WWOX: variants seen among roughly 807,000 people sequenced by gnomAD.
The protein encoded by WWOX is WW domain containing oxidoreductase, also known as WW domain-containing oxidoreductase.
A neutral mutation model predicts 46.2 loss-of-function variants in WWOX; 69 were observed. That is an observed-to-expected ratio of 1.49 (90% confidence interval 1.23 to 1.82). The LOEUF (loss-of-function observed/expected upper bound fraction) is 1.82, where lower values mean the gene tolerates loss of function less well. Ranked by LOEUF, WWOX falls within the 40% of genes most tolerant of loss-of-function variation. The probability of loss-of-function intolerance (pLI) is 0.00; values close to 1 mark genes in which losing one functional copy is unlikely to be tolerated. For synonymous variants in WWOX, 359 were observed against 202.6 expected (o/e 1.77, Z -6.56); for missense variants, 919 against 542.6 (o/e 1.69, Z -6.89).
chr16:78,323,314 C>T (rs772218635), intron 5 of WWOX, among the ~76,000 whole-genome samples: 1 of 152,160 alleles, frequency 6.6e-6, no homozygotes, highest in African/African-American at 2.4e-5. Context: ...ACCATGTTAG[C>T]CAGGATGGTC....
chr16:79,006,337 C>T (rs531193011), intron 8 of WWOX, among the ~76,000 whole-genome samples: 1 of 152,194 alleles, frequency 6.6e-6, no homozygotes, highest in East Asian at 1.9e-4. Flanking sequence ...ACCCGGGGGC[C>T]TCAGCAGGTT....
chr16:78,958,051 C>A (rs980222152), intron 8 of WWOX, among the ~76,000 whole-genome samples: 5 of 152,186 alleles, frequency 3.3e-5, no homozygotes, highest in African/African-American at 1.2e-4. Flanking sequence ...GGTATGCCTG[C>A]CTCAAATAAC....
At chr16:78,823,341 C>G (rs1350178351) in intron 8 of WWOX, among the ~76,000 whole-genome samples, 1 of 152,176 alleles carries the variant, frequency 6.6e-6, no homozygotes, top group Non-Finnish European at 1.5e-5. Context: ...TGTCAGCCGC[C>G]TGTGTGAATA....
intron 8 of WWOX, among the ~76,000 whole-genome samples, chr16:79,165,702 T>C (rs999662764): frequency 1.3e-5 from 2 of 152,168 alleles, no homozygotes; most frequent in African/African-American, 4.8e-5. Context: ...TGATTTCTTA[T>C]TTGACTCTGT....
intron 5 of WWOX, among the ~76,000 whole-genome samples, chr16:78,185,855 T>TG (rs11417321): frequency 0.64 from 97,828 of 151,700 alleles, 31,612 homozygotes; most frequent in African/African-American, 0.7. Flanking sequence ...TTAGTAGAGA[T>TG]GGGTTTCACC....
At chr16:78,400,829 T>C (rs530238007) in intron 6 of WWOX, among the ~76,000 whole-genome samples, 2 of 152,332 alleles carry the variant, frequency 1.3e-5, no homozygotes, top group South Asian at 2.1e-4. Context: ...AATAGCACTT[T>C]GTTACTTGTT....
chr16:78,173,177 C>T (rs1349465102), intron 5 of WWOX, among the ~76,000 whole-genome samples: 2 of 152,216 alleles, frequency 1.3e-5, no homozygotes, highest in Non-Finnish European at 2.9e-5. Context: ...TATGCAGACG[C>T]AACCCAGTGG....
rs1390736216 is a variant in WWOX at position 78,127,501 on chromosome 16, A to G, written c.409+12347A>G. ...TGGAGGTCAGTAGCTTTCATCCAGAAAAGAATAATCAACGGAAAAAAAAAA... is the reference window on the plus strand; with the variant it reads ...TGGAGGTCAGTAGCTTTCATCCAGAGAAGAATAATCAACGGAAAAAAAAAA... On this transcript the variant is annotated intron_variant, in intron 4 of 8. Transcript: ENST00000566780. Among the ~76,000 whole-genome samples, 8 of 144,948 alleles carry G rather than the reference A, an allele frequency of 5.5e-5. No homozygotes were observed. The East Asian group carries it at 1.6e-3, about 30-fold the overall frequency.
chr16:78,573,683 A>G (rs1207375049), intron 8 of WWOX, among the ~76,000 whole-genome samples: 1 of 152,194 alleles, frequency 6.6e-6, no homozygotes, highest in African/African-American at 2.4e-5. Context: ...CAGCCATAAG[A>G]TGGGTAGCAG....
chr16:78,608,397 T>A (rs1377471379), intron 8 of WWOX, among the ~76,000 whole-genome samples: 2 of 152,228 alleles, frequency 1.3e-5, no homozygotes, highest in East Asian at 3.8e-4. Flanking sequence ...CCCAAATGCC[T>A]GTGCTACATA....
intron 8 of WWOX, among the ~76,000 whole-genome samples, chr16:78,642,381 T>G (rs977499282): frequency 1.3e-5 from 2 of 152,174 alleles, no homozygotes; most frequent in Non-Finnish European, 2.9e-5. Flanking sequence ...ATGCTGACTT[T>G]CCTTTTTTGC....
intron 8 of WWOX, among the ~76,000 whole-genome samples, chr16:79,191,955 G>T (rs1567608455): frequency 6.6e-6 from 1 of 152,216 alleles, no homozygotes; most frequent in Admixed American, 6.5e-5. Context: ...CACACATCAG[G>T]TGATTTAAGC....
intron 8 of WWOX, among the ~76,000 whole-genome samples, chr16:78,920,453 C>G (rs1055882485): frequency 2.0e-5 from 3 of 152,172 alleles, no homozygotes; most frequent in Non-Finnish European, 4.4e-5. Context: ...TTCTTTGGAC[C>G]TGTGATTTTC....
At chr16:78,188,586 T>C (rs1245432283) in intron 5 of WWOX, among the ~76,000 whole-genome samples, 1 of 151,564 alleles carries the variant, frequency 6.6e-6, no homozygotes, top group African/African-American at 2.4e-5. Context: ...ACTTGAAAAA[T>C]CCCAGAATAG....
intron 8 of WWOX, among the ~76,000 whole-genome samples, chr16:78,595,167 A>G (rs987665140): frequency 1.3e-5 from 2 of 152,224 alleles, no homozygotes; most frequent in African/African-American, 2.4e-5. Context: ...GGGTAGACAT[A>G]TACTTCATTG....
chr16:78,917,981 C>T (rs534513871), intron 8 of WWOX, among the ~76,000 whole-genome samples: 1 of 152,110 alleles, frequency 6.6e-6, no homozygotes, highest in Non-Finnish European at 1.5e-5. Context: ...GCAGGAGGGC[C>T]ACTTGAGGCC....
intron 8 of WWOX, among the ~76,000 whole-genome samples, chr16:78,939,462 G>C (rs1013428977): frequency 1.3e-5 from 2 of 152,292 alleles, no homozygotes; most frequent in Admixed American, 1.3e-4. Context: ...TATCCTTTAA[G>C]GGTGGACTTA....
In WWOX at chr16:78,742,328, C is replaced by G. The variant is rs543913720; in HGVS notation, c.1056+309576C>G. On this transcript the variant is annotated intron_variant, in intron 8 of 8. Coordinates refer to ENST00000566780, the MANE Select transcript of WWOX (RefSeq NM_016373.4). ...TGACCCATCAGGGCTTCAGGGTGTC[C>G]TCTGGTGAAGGGCAGCAGCAGGACA... Among the ~76,000 whole-genome samples the G allele has an allele frequency of 3.3e-5, 5 of 152,284 alleles. 1 individual carries two copies. Among genetic ancestry groups the G allele is most frequent in the African/African-American group, 1.2e-4 (5 of 41,548 alleles).
At chr16:78,353,827 G>C (rs545698615) in intron 5 of WWOX, among the ~76,000 whole-genome samples, 1 of 152,328 alleles carries the variant, frequency 6.6e-6, no homozygotes, top group Admixed American at 6.5e-5. Context: ...CACAGCCTGG[G>C]CTTGGGTGGC....
Sources: gnomAD v4.1 joint callset for allele counts (sites outside exome capture counted in the v4.1 genomes callset) on GRCh38, gnomAD v4.1.1 for gene constraint, MANE v1.5 for transcripts, NCBI Gene and HGNC (gene_info 2026-07-23, HGNC 2026-07-21) for gene names.